The following CCBE1 variants were observed in gnomAD, a reference collection of about 807,000 sequenced individuals.
The protein encoded by CCBE1 is collagen and calcium binding EGF domains 1.
In CCBE1, 37 loss-of-function variants were observed where a neutral mutation model predicts 50.0. The observed-to-expected ratio is 0.74, with a 90% CI of 0.57 to 0.97. The LOEUF is 0.97. CCBE1 is among the 50% of genes least tolerant of loss of function. The pLI is 0.00. For missense variants in CCBE1, 538 were observed against 523.8 expected (o/e 1.03, Z -0.26); for synonymous variants, 234 against 203.7 (o/e 1.15, Z -1.27).
chr18:59,604,169 A>C (rs8088867), intron 2 of CCBE1, among the ~76,000 whole-genome samples: 1 of 152,232 alleles, frequency 6.6e-6, no homozygotes, highest in Non-Finnish European at 1.5e-5. Context: ...TCTTCACCCC[A>C]TAAGAGCTTC....
intron 2 of CCBE1, among the ~76,000 whole-genome samples, chr18:59,671,344 A>T (rs371451796): frequency 5.7e-4 from 87 of 152,196 alleles, no homozygotes; most frequent in African/African-American, 2.0e-3. Flanking sequence ...TCTACAAAAA[A>T]GACAAAAATT....
intron 2 of CCBE1, among the ~76,000 whole-genome samples, chr18:59,669,026 G>A (rs942842020): frequency 6.6e-6 from 1 of 151,772 alleles, no homozygotes; most frequent in African/African-American, 2.4e-5. Context: ...TAGAGAGAGG[G>A]TTTTACTATG....
intron 5 of CCBE1, among the ~76,000 whole-genome samples, chr18:59,461,318 T>C (rs1016726974): frequency 8.6e-5 from 13 of 150,904 alleles, no homozygotes; most frequent in African/African-American, 3.2e-4. Flanking sequence ...TTTTTTTTTT[T>C]GCCAGAACCA....
intron 2 of CCBE1, among the ~76,000 whole-genome samples, chr18:59,530,002 G>T (rs1914986211): frequency 6.6e-6 from 1 of 152,166 alleles, no homozygotes; most frequent in African/African-American, 2.4e-5. Flanking sequence ...CAATCCCAGA[G>T]TTTCTGAGTT....
At chr18:59,586,679 G>T (rs1045013523) in intron 2 of CCBE1, among the ~76,000 whole-genome samples, 1 of 152,190 alleles carries the variant, frequency 6.6e-6, no homozygotes, top group Non-Finnish European at 1.5e-5. Context: ...GACCTCCTCT[G>T]CATGACAAAG....
intron 2 of CCBE1, among the ~76,000 whole-genome samples, chr18:59,594,489 G>C (rs558411522): frequency 2.0e-5 from 3 of 152,194 alleles, no homozygotes; most frequent in Non-Finnish European, 2.9e-5. Flanking sequence ...ATGGTTGCAC[G>C]CGTACTTAAT....
rs963563885 is a variant in CCBE1 at position 59,591,490 on chromosome 18, A to C, written c.212+105139T>G. 2.0e-5 allele frequency among the ~76,000 whole-genome samples: 3 copies of C among 152,338 alleles called. No individual in the cohort carries two copies. In the East Asian group the frequency reaches 5.8e-4, roughly 29 times the overall value. On this transcript the variant is annotated intron_variant, in intron 2 of 10. Transcript: ENST00000439986. The stretch of plus-strand genomic sequence containing the variant: ...ATTAATAATTACATATATCACATAT[A>C]CATCGTATAAACTCAACAACTGGAG...
At chr18:59,541,319 G>C (rs1386404713) in intron 2 of CCBE1, among the ~76,000 whole-genome samples, 1 of 152,042 alleles carries the variant, frequency 6.6e-6, no homozygotes, top group African/African-American at 2.4e-5. Flanking sequence ...CTAAAAACAA[G>C]GACAAACAGG....
At chr18:59,490,085 C>G (rs371853049) in intron 2 of CCBE1, among the ~76,000 whole-genome samples, 1 of 145,356 alleles carries the variant, frequency 6.9e-6, no homozygotes, top group East Asian at 2.1e-4. Context: ...CTCCCAGGTT[C>G]AAGTGATTCT....
At chr18:59,613,488 A>G (rs2053598093) in intron 2 of CCBE1, among the ~76,000 whole-genome samples, 1 of 152,226 alleles carries the variant, frequency 6.6e-6, no homozygotes, top group Admixed American at 6.5e-5. Flanking sequence ...AATTTCAAAC[A>G]ATTATTTTAA....
chr18:59,558,751 G>A (rs1037948561), intron 2 of CCBE1, among the ~76,000 whole-genome samples: 4 of 152,314 alleles, frequency 2.6e-5, no homozygotes, highest in South Asian at 2.1e-4. Context: ...TGTGCCCAGA[G>A]AAAGAGTTAA....
At chr18:59,524,467 A>G (rs932247819) in intron 2 of CCBE1, among the ~76,000 whole-genome samples, 3 of 152,224 alleles carry the variant, frequency 2.0e-5, no homozygotes, top group African/African-American at 7.2e-5. Context: ...AAACCTTTGC[A>G]TTCTATCCTT....
chr18:59,643,254 T>G (rs2054014262), intron 2 of CCBE1, among the ~76,000 whole-genome samples: 1 of 152,214 alleles, frequency 6.6e-6, no homozygotes. Flanking sequence ...CCTTAAATAT[T>G]TGACTCTAAT....
intron 2 of CCBE1, among the ~76,000 whole-genome samples, chr18:59,558,844 A>G (rs2052690074): frequency 6.6e-6 from 1 of 152,252 alleles, no homozygotes; most frequent in Non-Finnish European, 1.5e-5. Context: ...GACAGGGTGG[A>G]CAGTGGGAGA....
intron 2 of CCBE1, among the ~76,000 whole-genome samples, chr18:59,554,806 C>G (rs1468403017): frequency 2.6e-5 from 4 of 152,308 alleles, no homozygotes; most frequent in Admixed American, 2.0e-4. Context: ...CCAGACAGGA[C>G]AACCCCGTGG....
chr18:59,446,613 T>C (rs760971162), intron 7 of CCBE1, among the ~76,000 whole-genome samples: 2 of 152,208 alleles, frequency 1.3e-5, no homozygotes, highest in Non-Finnish European at 2.9e-5. Context: ...AAATCCTCCG[T>C]GAAGAACTCT....
intron 2 of CCBE1, among the ~76,000 whole-genome samples, chr18:59,533,159 C>A (rs1405222072): frequency 1.3e-5 from 2 of 151,970 alleles, no homozygotes; most frequent in Non-Finnish European, 2.9e-5. Context: ...TCTTTAGAAA[C>A]AAAACAAAGT....
intron 2 of CCBE1, among the ~76,000 whole-genome samples, chr18:59,535,011 A>G (rs920579321): frequency 1.3e-5 from 2 of 152,246 alleles, no homozygotes; most frequent in African/African-American, 4.8e-5. Flanking sequence ...ATGTTACACG[A>G]TAGCTCCTTC....
chr18:59,574,275 T>TA (rs968265366), intron 2 of CCBE1, among the ~76,000 whole-genome samples: 22 of 152,350 alleles, frequency 1.4e-4, no homozygotes, highest in African/African-American at 4.6e-4. Context: ...ATAGTACGGT[T>TA]AGTTGCCCAA....
Sources: gnomAD v4.1 joint callset for allele counts (sites outside exome capture counted in the v4.1 genomes callset) on GRCh38, gnomAD v4.1.1 for gene constraint, MANE v1.5 for transcripts, NCBI Gene and HGNC (gene_info 2026-07-23, HGNC 2026-07-21) for gene names.